Variants in MYH13 observed in about 807,000 individuals in gnomAD.
MYH13 encodes myosin heavy chain 13.
Under a neutral mutation model 232.1 loss-of-function variants are expected in MYH13, and 177 were observed. The observed-to-expected ratio is 0.76, with a 90% CI of 0.67 to 0.86. The LOEUF (loss-of-function observed/expected upper bound fraction) is 0.86, where lower values mean the gene tolerates loss of function less well. Ranked by LOEUF, MYH13 falls within the 40% of genes least tolerant of loss-of-function variation. The pLI is 0.00. For missense variants in MYH13, 2,246 were observed against 2,405.9 expected, an observed-to-expected ratio of 0.93 and a Z score of 1.39; for synonymous variants, 884 against 923.5, an observed-to-expected ratio of 0.96 and a Z score of 0.78.
intron 8 of MYH13, among the ~76,000 whole-genome samples, chr17:10,355,358 T>C (rs1261090750): frequency 6.6e-6 from 1 of 152,206 alleles, no homozygotes; most frequent in Non-Finnish European, 1.5e-5. Context: ...GCTGATTCTC[T>C]GAGCCCTTGA....
In MYH13 at chr17:10,345,099, C is replaced by T. The variant is rs1026643805; in HGVS notation, c.1584+103G>A. On this transcript the variant is annotated intron_variant, in intron 15 of 40. Coordinates refer to ENST00000252172, the MANE Select transcript of MYH13 (RefSeq NM_003802.3). Reference sequence around the variant, plus strand: ...CAGTTATCTATCTGAAGGCTTGCAGCCTGGGGGCTAGGGGCCCCAATCTGT... The same window carrying T: ...CAGTTATCTATCTGAAGGCTTGCAGTCTGGGGGCTAGGGGCCCCAATCTGT... The T allele has an allele frequency of 1.9e-6, 3 of 1,578,048 alleles. No homozygotes were observed. The African/African-American group carries it at 4.1e-5, about 21-fold the overall frequency.
chr17:10,360,102 A>T, intron 6 of MYH13, 31 bp from the exon 7 acceptor site: 1 of 1,614,024 alleles, frequency 6.2e-7, no homozygotes, highest in Non-Finnish European at 8.5e-7. Context: ...GGGATAAAGG[A>T]GAGTGGAAGG....
At chr17:10,326,608 C>T (rs1415845318) in intron 22 of MYH13, among the ~76,000 whole-genome samples, 2 of 151,390 alleles carry the variant, frequency 1.3e-5, no homozygotes, top group Admixed American at 6.6e-5. Flanking sequence ...GTAGCTGGCA[C>T]TACCAGCGTG....
At chr17:10,324,627 G>A (rs938329768) in intron 22 of MYH13, among the ~76,000 whole-genome samples, 3 of 151,212 alleles carry the variant, frequency 2.0e-5, no homozygotes, top group Non-Finnish European at 4.4e-5. Flanking sequence ...GTATTTTTTT[G>A]TAGAGATGGG....
At chr17:10,316,246 A>AG (rs1221333563) in intron 27 of MYH13, among the ~76,000 whole-genome samples, 1 of 152,230 alleles carries the variant, frequency 6.6e-6, no homozygotes, top group Non-Finnish European at 1.5e-5. Flanking sequence ...GGATCACCTG[A>AG]GGTCAGGAGT....
In MYH13 at chr17:10,309,275, G is replaced by C. The variant is rs1366641924; in HGVS notation, c.5128C>G (p.Leu1710Val). 3.7e-6 allele frequency: 6 copies of C among 1,613,818 alleles called. No homozygotes were observed. The South Asian group carries it at 6.6e-5, about 18-fold the overall frequency. Residue 1710 changes from leucine to valine, a missense_variant, in exon 35 of 41, where the codon CTG becomes GTG. Transcript: ENST00000252172. ...ERTRRLSEQE[L>V]LDASDRVQLL... The stretch of plus-strand genomic sequence containing the variant: ...TGCACGCGGTCGCTGGCGTCCAGCA[G>C]CTCCTGCTCTGACAGCCTGCGGGTC...
At chr17:10,322,646 T>G (rs1199928932) in intron 23 of MYH13, among the ~76,000 whole-genome samples, 2 of 148,818 alleles carry the variant, frequency 1.3e-5, no homozygotes, top group Non-Finnish European at 3.0e-5. Context: ...TTTTTTTTTT[T>G]TTTTTGAGAG....
chr17:10,372,018 C>T (rs921297391), intron 1 of MYH13, among the ~76,000 whole-genome samples: 5 of 152,062 alleles, frequency 3.3e-5, no homozygotes, highest in African/African-American at 1.2e-4. Context: ...TTTTATGGAG[C>T]CAGGGGAATA....
intron 12 of MYH13, among the ~76,000 whole-genome samples, chr17:10,347,874 G>T (rs11655438): frequency 9.9e-5 from 15 of 151,606 alleles, no homozygotes; most frequent in Non-Finnish European, 2.2e-4. Context: ...CCCACCACCA[G>T]GCCCGGCTAA....
intron 8 of MYH13, among the ~76,000 whole-genome samples, chr17:10,355,828 C>CTTTTTTTTTTTTTTTTTTTTTTTT (rs61338527): frequency 6.0e-5 from 4 of 66,814 alleles, no homozygotes; most frequent in African/African-American, 1.3e-4. Context: ...TTCTGTCTGA[C>CTTTTTTTTTTTTTTTTTTTTTTTT]TTTTTTTTTT....
intron 18 of MYH13, among the ~76,000 whole-genome samples, chr17:10,337,366 G>T (rs1010011400): frequency 2.0e-5 from 3 of 152,160 alleles, no homozygotes; most frequent in Non-Finnish European, 4.4e-5. Flanking sequence ...AGAGGAGAAC[G>T]AGAGGAGTAG....
At chr17:10,353,514 A>G (rs1299971813) in intron 11 of MYH13, among the ~76,000 whole-genome samples, 1 of 152,124 alleles carries the variant, frequency 6.6e-6, no homozygotes, top group Non-Finnish European at 1.5e-5. Flanking sequence ...TTGCTCACAG[A>G]CGGTATACTT....
At chr17:10,310,082 A>G (rs544282463) in intron 33 of MYH13, among the ~76,000 whole-genome samples, 38 of 148,600 alleles carry the variant, frequency 2.6e-4, no homozygotes, top group Non-Finnish European at 4.6e-4. Context: ...CCAGAGCCCA[A>G]ATAGGTTTTG....
Position 10,340,316 on chromosome 17 carries a change from CA to C in MYH13, c.1968+11del, listed in dbSNP as rs1395573877. The C allele has an allele frequency of 6.2e-7, 1 of 1,613,658 alleles. No homozygotes were observed. Among genetic ancestry groups the C allele is most frequent in the Non-Finnish European group, 8.5e-7 (1 of 1,179,810 alleles). ...AAAAACAAGTGAATATGGAAGCTGC[CA>C]AAACACCAACCCTGAACACGGCCGA... On this transcript the variant is annotated intron_variant, in intron 17 of 40. Coordinates refer to ENST00000252172, the MANE Select transcript of MYH13 (RefSeq NM_003802.3).
At chr17:10,361,248 A>G (rs1489336169) in intron 5 of MYH13, among the ~76,000 whole-genome samples, 1 of 151,766 alleles carries the variant, frequency 6.6e-6, no homozygotes, top group Non-Finnish European at 1.5e-5. Context: ...ATTGCATTAG[A>G]TGATTTTTAA....
chr17:10,324,885 G>A (rs912923319), intron 22 of MYH13: 55 of 150,830 alleles, frequency 3.6e-4, no homozygotes, highest in South Asian at 8.4e-4. Flanking sequence ...GTGCAGTGGT[G>A]TGAGTGTAGC....
intron 39 of MYH13, among the ~76,000 whole-genome samples, chr17:10,302,744 T>G (rs1486630956): frequency 6.6e-6 from 1 of 151,206 alleles, no homozygotes; most frequent in Non-Finnish European, 1.5e-5. Flanking sequence ...GTGGAGGGAG[T>G]TAGGGAGGGC....
chr17:10,338,613 T>C (rs887793122), intron 18 of MYH13, among the ~76,000 whole-genome samples: 4 of 152,002 alleles, frequency 2.6e-5, no homozygotes, highest in African/African-American at 4.8e-5. Flanking sequence ...TGAGCTAATA[T>C]TTGCAAAGTG....
intron 35 of MYH13, among the ~76,000 whole-genome samples, chr17:10,307,512 C>T (rs1316164213): frequency 1.3e-5 from 2 of 151,578 alleles, no homozygotes; most frequent in Non-Finnish European, 2.9e-5. Context: ...TAAGGCAAAT[C>T]AATTAAAAAA....
Sources: allele counts gnomAD v4.1 joint callset (sites outside exome capture counted in the v4.1 genomes callset), GRCh38; gene constraint gnomAD v4.1.1; transcripts MANE v1.5; gene names NCBI Gene and HGNC (gene_info 2026-07-23, HGNC 2026-07-21).